The following COMMD1 variants were observed in gnomAD, a reference collection of about 807,000 sequenced individuals.
COMMD1 encodes the protein COMM domain-containing protein 1.
Under a neutral mutation model 17.2 loss-of-function variants are expected in COMMD1, and 10 were observed. The observed-to-expected ratio is 0.58, with a 90% CI of 0.36 to 0.99. The LOEUF is 0.99. Ranked by LOEUF, COMMD1 falls within the 50% of genes least tolerant of loss-of-function variation. COMMD1 has a pLI of 0.01. For missense variants in COMMD1, 270 were observed against 231.8 expected (o/e 1.17, Z -1.07); for synonymous variants, 97 against 91.6 (o/e 1.06, Z -0.34).
chr2:61,983,515 T>C (rs987413335), intron 1 of COMMD1, among the ~76,000 whole-genome samples: 5 of 152,118 alleles, frequency 3.3e-5, no homozygotes, highest in Non-Finnish European at 7.4e-5. Flanking sequence ...TGCATGTTCA[T>C]CTTGTTACTT....
intron 1 of COMMD1, among the ~76,000 whole-genome samples, chr2:61,968,813 T>C (rs1269956263): frequency 6.6e-6 from 1 of 152,128 alleles, no homozygotes. Context: ...TTGCCTCTGC[T>C]TCACAAAGTG....
intron 1 of COMMD1, among the ~76,000 whole-genome samples, chr2:61,962,743 G>C (rs1364725688): frequency 6.6e-6 from 1 of 152,114 alleles, no homozygotes; most frequent in Non-Finnish European, 1.5e-5. Flanking sequence ...TGTGATAGGT[G>C]GGTGATTTGT....
At chr2:62,113,432 A>G (rs1295028426) in intron 2 of COMMD1, among the ~76,000 whole-genome samples, 2 of 152,186 alleles carry the variant, frequency 1.3e-5, no homozygotes, top group Non-Finnish European at 2.9e-5. Context: ...TTTTTGAGAC[A>G]GAGTCTCGCT....
chr2:62,116,758 A>G (rs374541463), intron 2 of COMMD1, among the ~76,000 whole-genome samples: 3 of 150,462 alleles, frequency 2.0e-5, no homozygotes, highest in Non-Finnish European at 4.4e-5. Flanking sequence ...AAGCTGAGGC[A>G]GGCAGATTAC....
chr2:62,007,558 G>A (rs1669154978), intron 2 of COMMD1, among the ~76,000 whole-genome samples: 2 of 151,998 alleles, frequency 1.3e-5, no homozygotes, highest in Non-Finnish European at 2.9e-5. Context: ...GTATTTTAAA[G>A]GTAACTTTTC....
chr2:61,997,243 GT>G, intron 1 of COMMD1, among the ~76,000 whole-genome samples: 1 of 151,504 alleles, frequency 6.6e-6, no homozygotes, highest in Non-Finnish European at 1.5e-5. Context: ...TGTATTTTTT[GT>G]AAAAACGTGG....
chr2:62,116,052 G>A (rs1672594102), intron 2 of COMMD1, among the ~76,000 whole-genome samples: 1 of 151,848 alleles, frequency 6.6e-6, no homozygotes, highest in Non-Finnish European at 1.5e-5. Flanking sequence ...TTGCCGTGTT[G>A]CCCAGGCTGG....
At chr2:62,132,330 C>G (rs1195516316) in intron 2 of COMMD1, among the ~76,000 whole-genome samples, 1 of 152,180 alleles carries the variant, frequency 6.6e-6, no homozygotes, top group African/African-American at 2.4e-5. Context: ...AAGATCCTGG[C>G]TATTTTTAAA....
intron 1 of COMMD1, among the ~76,000 whole-genome samples, chr2:61,951,356 A>G (rs1047105257): frequency 2.0e-5 from 3 of 152,096 alleles, no homozygotes; most frequent in Non-Finnish European, 4.4e-5. Flanking sequence ...GCTACTTGGG[A>G]GGCTGAGGTA....
intron 1 of COMMD1, among the ~76,000 whole-genome samples, chr2:61,908,461 A>G (rs964129673): frequency 1.3e-5 from 2 of 151,014 alleles, no homozygotes; most frequent in South Asian, 2.1e-4. Context: ...TCTTGACCTC[A>G]TGATCTGCCT....
chr2:61,995,304 T>C (rs1668724860), intron 1 of COMMD1, among the ~76,000 whole-genome samples: 1 of 152,138 alleles, frequency 6.6e-6, no homozygotes, highest in Non-Finnish European at 1.5e-5. Flanking sequence ...ACCTAGCCTT[T>C]AGTGGCCCCT....
intron 1 of COMMD1, among the ~76,000 whole-genome samples, chr2:61,917,000 G>C (rs1362941522): frequency 1.3e-5 from 2 of 152,014 alleles, no homozygotes; most frequent in Admixed American, 1.3e-4. Flanking sequence ...ATTTGATCCT[G>C]CTTGCTAAAT....
intron 1 of COMMD1, among the ~76,000 whole-genome samples, chr2:61,929,058 G>A (rs909431954): frequency 6.6e-6 from 1 of 152,220 alleles, no homozygotes; most frequent in Non-Finnish European, 1.5e-5. Flanking sequence ...TGGTTCCAGA[G>A]GTTCAAAGCC....
intron 2 of COMMD1, among the ~76,000 whole-genome samples, chr2:62,036,054 TCA>T (rs70946776): frequency 0.031 from 4,412 of 142,632 alleles, 160 homozygotes; most frequent in Admixed American, 0.087. Flanking sequence ...ACCCTGTCTC[TCA>T]CACACACACA....
chr2:62,001,630 G>GA (rs1213026215), intron 2 of COMMD1, among the ~76,000 whole-genome samples: 98 of 150,028 alleles, frequency 6.5e-4, no homozygotes, highest in African/African-American at 8.8e-4. Flanking sequence ...TGTCTTTGGG[G>GA]AAAAAAAAAG....
chr2:61,962,701 A>G (rs565947111), intron 1 of COMMD1, among the ~76,000 whole-genome samples: 15 of 152,002 alleles, frequency 9.9e-5, no homozygotes, highest in South Asian at 6.2e-4. Flanking sequence ...TCCCTGGTGA[A>G]CAGTACTCTG....
Position 62,129,841 on chromosome 2 carries a change from A to T in COMMD1, c.463-5990A>T, listed in dbSNP as rs1011642399. ...TTTAAGCATATGAAAGGACAGCCCAAACAGAGGATAGGCTTTATGGCCAAA... is the reference window on the plus strand; with the variant it reads ...TTTAAGCATATGAAAGGACAGCCCATACAGAGGATAGGCTTTATGGCCAAA... On this transcript the variant is annotated intron_variant, in intron 2 of 2. Transcript: ENST00000311832. Among the ~76,000 whole-genome samples, 3 of 152,180 alleles carry T rather than the reference A, an allele frequency of 2.0e-5. No individual in the cohort carries two copies. The South Asian group carries it at 6.2e-4, about 31-fold the overall frequency.
intron 2 of COMMD1, among the ~76,000 whole-genome samples, chr2:62,009,930 G>A (rs1336253054): frequency 6.6e-6 from 1 of 152,036 alleles, no homozygotes; most frequent in African/African-American, 2.4e-5. Context: ...AAAAATGTAA[G>A]TTTAATGCTT....
At chr2:62,128,210 C>T (rs1672934692) in intron 2 of COMMD1, among the ~76,000 whole-genome samples, 1 of 151,928 alleles carries the variant, frequency 6.6e-6, no homozygotes, top group African/African-American at 2.4e-5. Context: ...CGCCTGTAGT[C>T]CCAGCTACTT....
Sources: gnomAD v4.1 joint callset for allele counts (sites outside exome capture counted in the v4.1 genomes callset) on GRCh38, gnomAD v4.1.1 for gene constraint, MANE v1.5 for transcripts, NCBI Gene and HGNC (gene_info 2026-07-23, HGNC 2026-07-21) for gene names.